The following ATP6V0A4 variants were observed in gnomAD, a reference collection of about 807,000 sequenced individuals.
ATP6V0A4 encodes the protein ATPase H+ transporting V0 subunit a4.
A neutral mutation model predicts 107.3 loss-of-function variants in ATP6V0A4; 86 were observed. That is an observed-to-expected ratio of 0.80 (90% CI 0.67 to 0.96). The LOEUF is 0.96. ATP6V0A4 is among the 40% of genes least tolerant of loss of function. The pLI is 0.00. For missense variants in ATP6V0A4, 908 were observed against 1,045.6 expected (o/e 0.87, Z 1.81); for synonymous variants, 353 against 381.4 (o/e 0.93, Z 0.87).
At chr7:138,794,677 T>C (rs1288960128) in intron 1 of ATP6V0A4, among the ~76,000 whole-genome samples, 1 of 151,738 alleles carries the variant, frequency 6.6e-6, no homozygotes, top group Admixed American at 6.6e-5. Context: ...AAAAAAGTCT[T>C]GAGAAAGTCT....
intron 1 of ATP6V0A4, among the ~76,000 whole-genome samples, chr7:138,792,786 G>GTT (rs869050228): frequency 1.2e-4 from 7 of 59,954 alleles, no homozygotes; most frequent in African/African-American, 3.5e-4. Context: ...TTGTTGTTTT[G>GTT]TTTTTTTTTT....
intron 19 of ATP6V0A4, 88 bp from the exon 20 acceptor site, chr7:138,715,969 G>T (rs1357166774): frequency 1.9e-6 from 3 of 1,548,014 alleles, no homozygotes; most frequent in Non-Finnish European, 2.7e-6. Flanking sequence ...TAAGACATGG[G>T]CTTTGCTGTT....
At chr7:138,740,567 G>A (rs1409000767) in intron 14 of ATP6V0A4, among the ~76,000 whole-genome samples, 1 of 106,394 alleles carries the variant, frequency 9.4e-6, no homozygotes, top group Non-Finnish European at 1.7e-5. Flanking sequence ...TCAGGCTCCC[G>A]AGCAGCTGGG....
intron 2 of ATP6V0A4, among the ~76,000 whole-genome samples, chr7:138,776,872 CGCGG>C (rs1807682188): frequency 1.3e-5 from 2 of 152,142 alleles, no homozygotes; most frequent in African/African-American, 4.8e-5. Context: ...ATAGGCTGGA[CGCGG>C]TGGCTCACGC....
intron 13 of ATP6V0A4, among the ~76,000 whole-genome samples, chr7:138,745,559 C>T (rs1053544238): frequency 6.6e-6 from 1 of 150,558 alleles, no homozygotes; most frequent in African/African-American, 2.4e-5. Context: ...TGCCTGTAAT[C>T]CCAGCTACTT....
intron 8 of ATP6V0A4, among the ~76,000 whole-genome samples, chr7:138,758,755 T>TTTTTTC: frequency 7.4e-6 from 1 of 135,244 alleles, no homozygotes; most frequent in Non-Finnish European, 1.6e-5. Context: ...TTTTTTTTTT[T>TTTTTTC]TTTTTTTTTT....
At chr7:138,734,501 CA>C (rs1224294619) in intron 15 of ATP6V0A4, among the ~76,000 whole-genome samples, 1 of 152,014 alleles carries the variant, frequency 6.6e-6, no homozygotes, top group Admixed American at 6.6e-5. Context: ...TGGAAGGAAA[CA>C]GGGGAGAAAA....
chr7:138,709,212 A>G (rs959937243), intron 21 of ATP6V0A4, among the ~76,000 whole-genome samples: 5 of 150,216 alleles, frequency 3.3e-5, no homozygotes, highest in Admixed American at 2.7e-4. Flanking sequence ...CTGTCTCAAA[A>G]AAAAAAAAAA....
At chr7:138,714,592 G>GATA (rs1562977591) in intron 20 of ATP6V0A4, among the ~76,000 whole-genome samples, 3 of 152,060 alleles carry the variant, frequency 2.0e-5, no homozygotes, top group Non-Finnish European at 2.9e-5. Context: ...ACAGGCAGAT[G>GATA]ATAGATAGAT....
chr7:138,762,245 C>T, intron 7 of ATP6V0A4, 95 bp downstream of exon 7: 1 of 1,454,190 alleles, frequency 6.9e-7, no homozygotes. Context: ...GAAACAGTCC[C>T]CATTCCAATG....
chr7:138,778,296 G>A (rs1222654790), intron 2 of ATP6V0A4, among the ~76,000 whole-genome samples: 1 of 54,548 alleles, frequency 1.8e-5, no homozygotes, highest in African/African-American at 6.0e-5. Context: ...GAATCGCAAA[G>A]GTTGCAGTGA....
Position 138,746,264 on chromosome 7 carries a change from T to G in ATP6V0A4, c.1321-984A>C, listed in dbSNP as rs138343744. 1.8e-3 allele frequency among the ~76,000 whole-genome samples: 270 copies of G among 151,688 alleles called. 2 individuals are homozygous for G. Among genetic ancestry groups the G allele is most frequent in the African/African-American group, 6.3e-3 (259 of 41,378 alleles). ...TTGCGTCTTGTCATTGTAAAGTTGA[T>G]TCCCTGTCTGACTATGTCTGCTGAG... is the stretch of plus-strand genomic sequence containing the variant. On this transcript the variant is annotated intron_variant, in intron 13 of 21. Transcript: ENST00000310018.
At position 138,769,667 on chromosome 7, in the gene ATP6V0A4, A is replaced by G. The variant is rs372989156; in HGVS notation, c.118-416T>C. Among the ~76,000 whole-genome samples, 34 of 152,256 alleles carry G rather than the reference A, an allele frequency of 2.2e-4. No individual in the cohort carries two copies. The East Asian group carries it at 6.4e-3, about 29-fold the overall frequency. On this transcript the variant is annotated intron_variant, in intron 3 of 21. Coordinates refer to ENST00000310018, the MANE Select transcript of ATP6V0A4 (RefSeq NM_020632.3). ...AATACTAGAGAATGTTGCTGGAATT[A>G]TCTTAGGAACAGATACTTCCATGCA...
chr7:138,724,830 G>C (rs1276698047), intron 18 of ATP6V0A4, among the ~76,000 whole-genome samples: 1 of 152,196 alleles, frequency 6.6e-6, no homozygotes, highest in Non-Finnish European at 1.5e-5. Flanking sequence ...GTAGAAGTGT[G>C]ATACTGGACT....
chr7:138,766,357 C>A (rs1476506027), intron 5 of ATP6V0A4, among the ~76,000 whole-genome samples: 1 of 151,874 alleles, frequency 6.6e-6, no homozygotes, highest in East Asian at 1.9e-4. Flanking sequence ...CATGCGCCAC[C>A]CACGCCTGGC....
At chr7:138,789,117 A>G (rs1346948469) in intron 1 of ATP6V0A4, among the ~76,000 whole-genome samples, 1 of 151,934 alleles carries the variant, frequency 6.6e-6, no homozygotes, top group Non-Finnish European at 1.5e-5. Flanking sequence ...CCATCCGTGG[A>G]TATGTCTGTA....
At chr7:138,749,072 G>C in intron 12 of ATP6V0A4, 95 bp downstream of exon 12, 1 of 1,514,592 alleles carries the variant, frequency 6.6e-7, no homozygotes, top group South Asian at 1.1e-5. Flanking sequence ...AAGCCTCACA[G>C]TTTTAACAAG....
In ATP6V0A4 at chr7:138,706,476, G is replaced by A. The variant is rs1441363822; in HGVS notation, c.*148C>T. ...GTGGTTAAGTCGTATCAAATCCACA[G>A]GCTGACGTCCAAATAATACACAGTT... On this transcript the variant is annotated 3_prime_UTR_variant, in exon 22 of 22. Transcript: ENST00000310018. 3.0e-6 allele frequency: 3 copies of A among 988,420 alleles called. No homozygotes were observed. In the African/African-American group the frequency reaches 4.8e-5, roughly 16 times the overall value. The allele number at this position is 988,420 out of a possible 1,614,324, so 61.2% of individuals were successfully genotyped here.
rs1584932806 is a variant in ATP6V0A4 at position 138,760,140 on chromosome 7, G to C, written c.513-262C>G. On this transcript the variant is annotated intron_variant, in intron 7 of 21. Coordinates refer to ENST00000310018, the MANE Select transcript of ATP6V0A4 (RefSeq NM_020632.3). The stretch of plus-strand genomic sequence containing the variant: ...TTCCAATACTATATCGTCACTAATT[G>C]CAATTAAGAATATGATAGAATGGCC... Among the ~76,000 whole-genome samples, 3 of 152,148 alleles carry C rather than the reference G, an allele frequency of 2.0e-5. No homozygotes were observed. In the South Asian group the frequency reaches 6.2e-4, roughly 32 times the overall value.
Sources: allele counts gnomAD v4.1 joint callset (sites outside exome capture counted in the v4.1 genomes callset), GRCh38; gene constraint gnomAD v4.1.1; transcripts MANE v1.5; gene names NCBI Gene and HGNC (gene_info 2026-07-23, HGNC 2026-07-21).